The following NELL2 variants were observed in gnomAD, a reference collection of about 807,000 sequenced individuals.
The protein encoded by NELL2 is neural EGFL like 2, also known as protein kinase C-binding protein NELL2.
A neutral mutation model predicts 109.6 loss-of-function variants in NELL2; 41 were observed. The observed-to-expected ratio is 0.37, with a 90% CI of 0.29 to 0.49. NELL2 has a LOEUF of 0.49. NELL2 is among the 20% of genes least tolerant of loss of function. The probability of loss-of-function intolerance (pLI) is 0.98; values close to 1 mark genes in which losing one functional copy is unlikely to be tolerated. For missense variants in NELL2, 900 were observed against 1,008.3 expected (o/e 0.89, Z 1.45); for synonymous variants, 355 against 344.7 (o/e 1.03, Z -0.33).
At chr12:44,850,383 C>G (rs532187849) in intron 2 of NELL2, among the ~76,000 whole-genome samples, 76 of 152,090 alleles carry the variant, frequency 5.0e-4, no homozygotes, top group South Asian at 1.2e-3. Context: ...ACAAGGATGT[C>G]TATTCCATTC....
Position 44,913,852 on chromosome 12 carries a change from T to C in NELL2, c.-16A>G, listed in dbSNP as rs1272626489. ...TTATAGACATTTTATAATAATAATGTCTAAAAGGTTCTTTTTTCACTTTTA... is the reference window on the plus strand; with the variant it reads ...TTATAGACATTTTATAATAATAATGCCTAAAAGGTTCTTTTTTCACTTTTA... On this transcript the variant is annotated 5_prime_UTR_variant, in exon 1 of 21. Transcript: ENST00000333837. 3 of 737,484 alleles carry C rather than the reference T, an allele frequency of 4.1e-6. No homozygotes were observed. The South Asian group carries it at 5.5e-5, about 13-fold the overall frequency. The allele number at this position is 737,484 out of a possible 1,614,324, so 45.7% of individuals were successfully genotyped here.
intron 3 of NELL2, among the ~76,000 whole-genome samples, chr12:44,809,627 T>A (rs142423745): frequency 6.6e-6 from 1 of 152,180 alleles, no homozygotes; most frequent in East Asian, 1.9e-4. Flanking sequence ...AACCAGCATC[T>A]CAGGTTGGGA....
intron 3 of NELL2, among the ~76,000 whole-genome samples, chr12:44,799,472 A>T (rs1942755343): frequency 6.7e-6 from 1 of 149,636 alleles, no homozygotes; most frequent in Non-Finnish European, 1.5e-5. Flanking sequence ...ACCCTTCACT[A>T]ATTCTCCAAG....
chr12:44,730,977 G>C (rs1461275533), intron 9 of NELL2, among the ~76,000 whole-genome samples: 1 of 151,970 alleles, frequency 6.6e-6, no homozygotes. Context: ...GATCATAAGA[G>C]ACTACTCCTA....
chr12:44,552,170 A>G (rs1943064918), intron 15 of NELL2, among the ~76,000 whole-genome samples: 1 of 152,196 alleles, frequency 6.6e-6, no homozygotes, highest in Non-Finnish European at 1.5e-5. Context: ...TAGTTGGCTC[A>G]TTGCATGTAA....
chr12:44,748,350 A>G (rs1940490504), intron 9 of NELL2, among the ~76,000 whole-genome samples: 1 of 152,128 alleles, frequency 6.6e-6, no homozygotes, highest in Non-Finnish European at 1.5e-5. Context: ...CATTGGTAAG[A>G]GTATTATTTT....
intron 9 of NELL2, among the ~76,000 whole-genome samples, chr12:44,725,515 A>T (rs1489110540): frequency 6.6e-6 from 1 of 152,190 alleles, no homozygotes; most frequent in Non-Finnish European, 1.5e-5. Flanking sequence ...ACATACTCAG[A>T]CAAATATAAA....
At chr12:44,674,622 G>T (rs1269807633) in intron 12 of NELL2, among the ~76,000 whole-genome samples, 1 of 152,128 alleles carries the variant, frequency 6.6e-6, no homozygotes, top group Non-Finnish European at 1.5e-5. Context: ...CAACAAATAC[G>T]AGGACAGCAC....
chr12:44,824,182 G>A (rs1943630208), intron 2 of NELL2, among the ~76,000 whole-genome samples: 2 of 152,192 alleles, frequency 1.3e-5, no homozygotes, highest in Non-Finnish European at 2.9e-5. Context: ...CTTGGCAGAT[G>A]TACTGTTTAC....
Position 44,864,168 on chromosome 12 carries a change from A to G in NELL2, c.184+11057T>C, listed in dbSNP as rs181984559. Among the ~76,000 whole-genome samples, 12 of 152,260 alleles carry G rather than the reference A, an allele frequency of 7.9e-5. No individual in the cohort carries two copies. The East Asian group carries it at 2.1e-3, about 27-fold the overall frequency. On this transcript the variant is annotated intron_variant, in intron 2 of 19. Coordinates refer to ENST00000429094, the MANE Select transcript of NELL2 (RefSeq NM_001145108.2). ...GAAGAAAGGAATAAATATGTCCAAAACTTCCATAAAACAATTAACATAATA... is the reference window on the plus strand; with the variant it reads ...GAAGAAAGGAATAAATATGTCCAAAGCTTCCATAAAACAATTAACATAATA...
At chr12:44,525,067 T>C (rs1941706960) in intron 16 of NELL2, among the ~76,000 whole-genome samples, 1 of 152,226 alleles carries the variant, frequency 6.6e-6, no homozygotes. Context: ...CATAGTTATT[T>C]GGTCTCTTTG....
intron 15 of NELL2, among the ~76,000 whole-genome samples, chr12:44,599,934 A>T (rs1227700925): frequency 6.7e-6 from 1 of 148,846 alleles, no homozygotes; most frequent in African/African-American, 2.4e-5. Context: ...CTGCCTTCAT[A>T]GTGCGTAGGG....
At chr12:44,776,989 G>C (rs764878317) in intron 7 of NELL2, 53 bp downstream of exon 7, 39 of 1,455,326 alleles carry the variant, frequency 2.7e-5, no homozygotes, top group Non-Finnish European at 3.6e-5. Context: ...TGGAAGTATT[G>C]GGAACATCAA....
intron 13 of NELL2, among the ~76,000 whole-genome samples, chr12:44,658,168 C>G (rs2136327002): frequency 6.6e-6 from 1 of 152,284 alleles, no homozygotes; most frequent in African/African-American, 2.4e-5. Context: ...TAATGATCAC[C>G]ATTCTAACTG....
chr12:44,791,343 C>G (rs1000231339), intron 3 of NELL2, among the ~76,000 whole-genome samples: 1 of 148,438 alleles, frequency 6.7e-6, no homozygotes, highest in African/African-American at 2.5e-5. Flanking sequence ...AACCAGACAT[C>G]CTATGTTCTC....
chr12:44,756,085 T>G (rs1027333035), intron 9 of NELL2, among the ~76,000 whole-genome samples: 1 of 152,176 alleles, frequency 6.6e-6, no homozygotes, highest in Non-Finnish European at 1.5e-5. Flanking sequence ...AAACAAAAGC[T>G]GTCAGACATG....
chr12:44,841,115 C>A (rs1944213517), intron 2 of NELL2, among the ~76,000 whole-genome samples: 1 of 152,154 alleles, frequency 6.6e-6, no homozygotes, highest in Non-Finnish European at 1.5e-5. Context: ...GTACACTCGG[C>A]AATATCTCAG....
intron 9 of NELL2, among the ~76,000 whole-genome samples, chr12:44,759,234 G>A (rs1383027640): frequency 6.6e-6 from 1 of 152,054 alleles, no homozygotes; most frequent in Non-Finnish European, 1.5e-5. Context: ...TGTAGAAAAG[G>A]CTACAAGTTT....
chr12:44,608,610 C>A (rs753664151), intron 14 of NELL2, among the ~76,000 whole-genome samples: 23 of 151,868 alleles, frequency 1.5e-4, no homozygotes, highest in Non-Finnish European at 2.9e-4. Context: ...CTTTCAAATA[C>A]AAGAATTATC....
Sources: allele counts gnomAD v4.1 joint callset (sites outside exome capture counted in the v4.1 genomes callset), GRCh38; gene constraint gnomAD v4.1.1; transcripts MANE v1.5; gene names NCBI Gene and HGNC (gene_info 2026-07-23, HGNC 2026-07-21).